Variants in EYS observed in about 807,000 individuals in gnomAD.
EYS encodes protein eyes shut homolog.
In EYS, 250 loss-of-function variants were observed where a neutral mutation model predicts 282.1. That is an observed-to-expected ratio of 0.89 (90% CI 0.80 to 0.98). The LOEUF (loss-of-function observed/expected upper bound fraction) is 0.98, where lower values mean the gene tolerates loss of function less well. Among genes scored for constraint, EYS ranks in the 50% least tolerant of loss-of-function variants. EYS has a pLI of 0.00. For missense variants in EYS, 4,016 were observed against 3,709.0 expected (o/e 1.08, Z -2.15); for synonymous variants, 1,355 against 1,282.9 (o/e 1.06, Z -1.20).
chr6:65,020,174 C>T (rs746474469), intron 13 of EYS, among the ~76,000 whole-genome samples: 2 of 152,216 alleles, frequency 1.3e-5, no homozygotes, highest in East Asian at 3.9e-4. Flanking sequence ...CATGCCCTTA[C>T]GATAGTACCC....
intron 5 of EYS, among the ~76,000 whole-genome samples, chr6:65,419,787 T>G (rs1034184286): frequency 6.6e-6 from 1 of 151,964 alleles, no homozygotes; most frequent in African/African-American, 2.4e-5. Context: ...TACAGGCATA[T>G]CCTGGAGCTA....
chr6:64,090,710 G>A (rs1273657031), intron 31 of EYS, among the ~76,000 whole-genome samples: 2 of 152,072 alleles, frequency 1.3e-5, no homozygotes, highest in Non-Finnish European at 2.9e-5. Flanking sequence ...CATCTATCAA[G>A]TTATTCAAAT....
intron 12 of EYS, among the ~76,000 whole-genome samples, chr6:65,158,175 C>A (rs1260080722): frequency 6.6e-6 from 1 of 150,710 alleles, no homozygotes; most frequent in Non-Finnish European, 1.5e-5. Flanking sequence ...AATCACCAGT[C>A]ACAATAAACT....
chr6:64,218,820 A>T (rs1397060763), intron 31 of EYS, among the ~76,000 whole-genome samples: 1 of 152,106 alleles, frequency 6.6e-6, no homozygotes, highest in African/African-American at 2.4e-5. Flanking sequence ...GTTTATTTAC[A>T]CTTCTCTTAG....
At chr6:63,774,542 T>C (rs1251089642) in intron 40 of EYS, among the ~76,000 whole-genome samples, 2 of 152,200 alleles carry the variant, frequency 1.3e-5, no homozygotes, top group African/African-American at 2.4e-5. Context: ...ACATGGTGAC[T>C]ATGGTTAGTA....
At chr6:64,085,476 G>T (rs1379688554) in intron 31 of EYS, among the ~76,000 whole-genome samples, 4 of 152,056 alleles carry the variant, frequency 2.6e-5, no homozygotes, top group Non-Finnish European at 5.9e-5. Context: ...CAGGTACGGT[G>T]GGTGGAAGAG....
intron 26 of EYS, among the ~76,000 whole-genome samples, chr6:64,450,474 C>A (rs1475934642): frequency 6.6e-6 from 1 of 152,040 alleles, no homozygotes. Flanking sequence ...ATGAGGATAT[C>A]CAGGAATTGA....
At chr6:65,208,329 AG>A (rs1766088255) in intron 12 of EYS, among the ~76,000 whole-genome samples, 1 of 151,830 alleles carries the variant, frequency 6.6e-6, no homozygotes, top group Non-Finnish European at 1.5e-5. Context: ...GGAGAGAAGA[AG>A]GGAACACTTA....
intron 11 of EYS, among the ~76,000 whole-genome samples, chr6:65,310,749 C>A (rs923359229): frequency 6.6e-6 from 1 of 152,114 alleles, no homozygotes; most frequent in African/African-American, 2.4e-5. Context: ...CCCATTTCCA[C>A]TGGCTGGTTT....
intron 28 of EYS, among the ~76,000 whole-genome samples, chr6:64,424,748 G>T (rs1232260167): frequency 6.6e-6 from 1 of 152,160 alleles, no homozygotes; most frequent in Admixed American, 6.6e-5. Flanking sequence ...TAGGTGCCAG[G>T]TGTGTATTCA....
chr6:64,237,918 TTAGA>T (rs1263876731), intron 30 of EYS, among the ~76,000 whole-genome samples: 1 of 152,118 alleles, frequency 6.6e-6, no homozygotes, highest in Non-Finnish European at 1.5e-5. Context: ...AAAATAAATG[TTAGA>T]TAGTAAAACA....
chr6:65,071,094 T>C (rs1773889834), intron 12 of EYS, among the ~76,000 whole-genome samples: 2 of 151,840 alleles, frequency 1.3e-5, no homozygotes, highest in Admixed American at 1.3e-4. Flanking sequence ...GTTTTAGTTT[T>C]TAATTATAAA....
chr6:64,086,708 C>G (rs1294351250), intron 31 of EYS, among the ~76,000 whole-genome samples: 1 of 152,086 alleles, frequency 6.6e-6, no homozygotes, highest in Non-Finnish European at 1.5e-5. Context: ...TCCTACGTTA[C>G]AATTGTTGGC....
Position 65,229,676 on chromosome 6 carries a change from C to T in EYS, c.2023+66187G>A, listed in dbSNP as rs184926648. On this transcript the variant is annotated intron_variant, in intron 12 of 42. Coordinates refer to ENST00000503581, the MANE Select transcript of EYS (RefSeq NM_001142800.2). Reference sequence around the variant, plus strand: ...TAGTGAGTTTATACTCTTTCTAAGACTGGAGCTGGGTGGCAAGTTGCAGAA... The same window carrying T: ...TAGTGAGTTTATACTCTTTCTAAGATTGGAGCTGGGTGGCAAGTTGCAGAA... Among the ~76,000 whole-genome samples the T allele has an allele frequency of 5.5e-4, 84 of 151,910 alleles. 1 individual carries two copies. Among genetic ancestry groups the T allele is most frequent in the Admixed American group, 2.6e-3 (39 of 15,228 alleles).
At chr6:64,892,645 A>T (rs928069374) in intron 18 of EYS, among the ~76,000 whole-genome samples, 93 of 152,046 alleles carry the variant, frequency 6.1e-4, no homozygotes, top group African/African-American at 2.2e-3. Context: ...TATATTTGCA[A>T]CATGTCTTTA....
intron 30 of EYS, among the ~76,000 whole-genome samples, chr6:64,248,183 TTGTGTGTGTGTGTG>T (rs10589491): frequency 2.1e-5 from 3 of 146,302 alleles, no homozygotes; most frequent in Admixed American, 6.8e-5. Context: ...CAGAAGAAGC[TTGTGTGTGTGTGTG>T]TGTGTGTGTG....
chr6:65,472,159 A>T (rs1427192301), intron 5 of EYS, among the ~76,000 whole-genome samples: 1 of 152,092 alleles, frequency 6.6e-6, no homozygotes, highest in East Asian at 1.9e-4. Flanking sequence ...TTACTTCTCA[A>T]AAACGAAATC....
chr6:64,933,775 A>G (rs1169172096), intron 15 of EYS, among the ~76,000 whole-genome samples: 1 of 152,142 alleles, frequency 6.6e-6, no homozygotes, highest in Non-Finnish European at 1.5e-5. Context: ...AATGTGGCAC[A>G]TATACAGCAT....
chr6:63,959,833 G>C (rs1348316583), intron 35 of EYS, among the ~76,000 whole-genome samples: 1 of 151,962 alleles, frequency 6.6e-6, no homozygotes, highest in Non-Finnish European at 1.5e-5. Context: ...GGACACAGAG[G>C]AACAACACAC....
Sources: allele counts gnomAD v4.1 joint callset (sites outside exome capture counted in the v4.1 genomes callset), GRCh38; gene constraint gnomAD v4.1.1; transcripts MANE v1.5; gene names NCBI Gene and HGNC (gene_info 2026-07-23, HGNC 2026-07-21).